Variants in SAMD12 observed in about 807,000 individuals in gnomAD.
SAMD12 encodes the protein sterile alpha motif domain containing 12.
A neutral mutation model predicts 15.0 loss-of-function variants in SAMD12; 9 were observed. That is an observed-to-expected ratio of 0.60 (90% confidence interval 0.36 to 1.05). The LOEUF (loss-of-function observed/expected upper bound fraction) is 1.05. SAMD12 is among the 50% of genes least tolerant of loss of function. The pLI is 0.01. For missense variants in SAMD12, 230 were observed against 234.2 expected (o/e 0.98, Z 0.12); for synonymous variants, 86 against 90.1 (o/e 0.96, Z 0.25).
the SAMD12 span, among the ~76,000 whole-genome samples, chr8:118,159,344 G>T: frequency 6.6e-6 from 1 of 152,154 alleles, no homozygotes; most frequent in Non-Finnish European, 1.5e-5. Context: ...GGACCTGCCT[G>T]CCCCACCACA....
intron 2 of SAMD12, among the ~76,000 whole-genome samples, chr8:118,519,292 G>A (rs1316571963): frequency 2.6e-5 from 4 of 152,156 alleles, no homozygotes; most frequent in African/African-American, 9.7e-5. Context: ...CATAAGGTGA[G>A]CTACCATTTA....
rs536725694 is a variant in SAMD12, at chr8:118,464,834, C to T, written c.193-24873G>A. Among the ~76,000 whole-genome samples, 8 of 152,134 alleles carry T rather than the reference C, an allele frequency of 5.3e-5. No homozygotes were observed. The East Asian group carries it at 1.4e-3, about 26-fold the overall frequency. ...GATATTAGCCACTCAAAGATTTATCCCACCATAAGAAACAGTTTGGAACTC... is the reference window on the plus strand; with the variant it reads ...GATATTAGCCACTCAAAGATTTATCTCACCATAAGAAACAGTTTGGAACTC... On this transcript the variant is annotated intron_variant, in intron 2 of 3. Coordinates refer to ENST00000314727, the MANE Select transcript of SAMD12 (RefSeq NM_207506.3).
At chr8:118,506,903 A>T (rs985650768) in intron 2 of SAMD12, among the ~76,000 whole-genome samples, 12 of 151,878 alleles carry the variant, frequency 7.9e-5, no homozygotes, top group Non-Finnish European at 1.6e-4. Context: ...ACTGTCTGCC[A>T]TCATGAAGCT....
At chr8:118,453,321 A>C (rs1284043934) in intron 2 of SAMD12, among the ~76,000 whole-genome samples, 1 of 152,162 alleles carries the variant, frequency 6.6e-6, no homozygotes, top group Non-Finnish European at 1.5e-5. Flanking sequence ...TGCTGGGCTA[A>C]TTAGTCTGGT....
chr8:118,256,462 A>G (rs1812941422), intron 4 of SAMD12, among the ~76,000 whole-genome samples: 1 of 152,098 alleles, frequency 6.6e-6, no homozygotes, highest in Admixed American at 6.6e-5. Context: ...AATTTAACCT[A>G]TAAAATATAA....
At chr8:118,321,788 AC>A (rs984802113) in intron 4 of SAMD12, among the ~76,000 whole-genome samples, 4 of 152,136 alleles carry the variant, frequency 2.6e-5, no homozygotes, top group Non-Finnish European at 5.9e-5. Flanking sequence ...AAGCTATTTA[AC>A]CATTTAATTT....
chr8:118,443,795 C>T (rs373355750), intron 2 of SAMD12, among the ~76,000 whole-genome samples: 9 of 152,172 alleles, frequency 5.9e-5, no homozygotes, highest in African/African-American at 2.2e-4. Context: ...CTCAGTTACT[C>T]CCCCTTCCAT....
chr8:118,335,501 T>C (rs537365044), intron 4 of SAMD12, among the ~76,000 whole-genome samples: 2 of 152,166 alleles, frequency 1.3e-5, no homozygotes, highest in Non-Finnish European at 2.9e-5. Context: ...AACTACTGAT[T>C]CTCCCACAAC....
At chr8:118,248,579 C>A (rs1468689039) in intron 4 of SAMD12, among the ~76,000 whole-genome samples, 1 of 151,950 alleles carries the variant, frequency 6.6e-6, no homozygotes, top group Non-Finnish European at 1.5e-5. Flanking sequence ...TAGGCATTAG[C>A]TCACTGTCTG....
intron 2 of SAMD12, among the ~76,000 whole-genome samples, chr8:118,461,607 AGGCC>A (rs1320363283): frequency 6.6e-6 from 1 of 152,138 alleles, no homozygotes; most frequent in Non-Finnish European, 1.5e-5. Flanking sequence ...CTATGAGTCC[AGGCC>A]ATCTATAAAT....
intron 4 of SAMD12, among the ~76,000 whole-genome samples, chr8:118,217,834 C>T (rs1811998817): frequency 1.3e-5 from 2 of 152,226 alleles, no homozygotes; most frequent in South Asian, 4.1e-4. Flanking sequence ...CACAAATCAG[C>T]TCTCCCGATT....
intron 4 of SAMD12, among the ~76,000 whole-genome samples, chr8:118,260,630 C>A (rs1368330683): frequency 1.3e-5 from 2 of 152,074 alleles, no homozygotes; most frequent in Admixed American, 6.6e-5. Context: ...CTTCTACCTC[C>A]CAGTGGGGAT....
chr8:118,385,023 G>A (rs1008316800), intron 3 of SAMD12, among the ~76,000 whole-genome samples: 1 of 152,144 alleles, frequency 6.6e-6, no homozygotes, highest in African/African-American at 2.4e-5. Flanking sequence ...GTACTCTGCT[G>A]CAGTCTTGGA....
chr8:118,341,544 T>G (rs1198323471), intron 4 of SAMD12, among the ~76,000 whole-genome samples: 1 of 152,174 alleles, frequency 6.6e-6, no homozygotes, highest in Non-Finnish European at 1.5e-5. Context: ...AATTTATCTC[T>G]CATGGTTCTA....
intron 4 of SAMD12, among the ~76,000 whole-genome samples, chr8:118,308,374 G>A (rs1586488784): frequency 6.6e-6 from 1 of 152,124 alleles, no homozygotes; most frequent in South Asian, 2.1e-4. Context: ...TTATATGCAA[G>A]GTGTTGTGCT....
intron 4 of SAMD12, among the ~76,000 whole-genome samples, chr8:118,268,645 T>A (rs966589996): frequency 6.6e-6 from 1 of 151,834 alleles, no homozygotes; most frequent in Admixed American, 6.6e-5. Context: ...TGAAACCCCA[T>A]CTCTACTAAA....
chr8:118,607,940 A>G (rs1235791368), intron 1 of SAMD12, among the ~76,000 whole-genome samples: 1 of 152,140 alleles, frequency 6.6e-6, no homozygotes, highest in African/African-American at 2.4e-5. Context: ...CATAGTCTAT[A>G]AACACTGTCA....
At chr8:118,441,807 G>A (rs1462656783) in intron 2 of SAMD12, among the ~76,000 whole-genome samples, 3 of 152,096 alleles carry the variant, frequency 2.0e-5, no homozygotes, top group Non-Finnish European at 4.4e-5. Context: ...CTGAGGTTAG[G>A]TCATAAAAAA....
At chr8:118,505,107 G>C (rs1360345355) in intron 2 of SAMD12, among the ~76,000 whole-genome samples, 2 of 152,164 alleles carry the variant, frequency 1.3e-5, no homozygotes, top group Non-Finnish European at 2.9e-5. Flanking sequence ...CTTATACAAA[G>C]GCATACATGT....
Sources: gnomAD v4.1 joint callset for allele counts (sites outside exome capture counted in the v4.1 genomes callset) on GRCh38, gnomAD v4.1.1 for gene constraint, MANE v1.5 for transcripts, NCBI Gene and HGNC (gene_info 2026-07-23, HGNC 2026-07-21) for gene names.